The following XPA variants were observed in gnomAD, a reference collection of about 807,000 sequenced individuals.
The protein encoded by XPA is DNA repair protein complementing XP-A cells.
XPA carries 27 observed loss-of-function variants against 35.7 expected under a neutral mutation model. That is an observed-to-expected ratio of 0.76 (90% confidence interval 0.56 to 1.04). The LOEUF is 1.04. Ranked by LOEUF, XPA falls within the 50% of genes least tolerant of loss-of-function variation. The probability of loss-of-function intolerance (pLI) is 0.00; values close to 1 mark genes in which losing one functional copy is unlikely to be tolerated. For missense variants in XPA, 354 were observed against 342.7 expected (o/e 1.03, Z -0.26); for synonymous variants, 133 against 118.4 (o/e 1.12, Z -0.80).
chr9:97,679,230 T>C (rs1341250971), intron 5 of XPA, among the ~76,000 whole-genome samples: 3 of 152,148 alleles, frequency 2.0e-5, no homozygotes. Flanking sequence ...TGTATACAAC[T>C]TAGTCTTAAA....
chr9:97,680,862 C>T (rs1021670015), intron 5 of XPA, among the ~76,000 whole-genome samples: 3 of 152,126 alleles, frequency 2.0e-5, no homozygotes, highest in Non-Finnish European at 4.4e-5. Flanking sequence ...GGGTGCAGGT[C>T]CTACGCAGTA....
At chr9:97,658,428 G>A in the XPA span, among the ~76,000 whole-genome samples, 4 of 152,236 alleles carry the variant, frequency 2.6e-5, no homozygotes, top group South Asian at 6.2e-4. Context: ...TCACTCACCC[G>A]CACCTCAGTG....
intron 5 of XPA, among the ~76,000 whole-genome samples, chr9:97,683,044 T>A (rs1352306175): frequency 1.3e-5 from 2 of 152,178 alleles, no homozygotes; most frequent in East Asian, 3.8e-4. Flanking sequence ...TTTTAAAAAA[T>A]ATTTCATCAC....
chr9:97,681,442 A>T (rs972256561), intron 5 of XPA, among the ~76,000 whole-genome samples: 12 of 152,328 alleles, frequency 7.9e-5, no homozygotes, highest in Admixed American at 5.2e-4. Flanking sequence ...ATATAACCAC[A>T]GGCCCACAAT....
At chr9:97,659,535 A>T in the XPA span, among the ~76,000 whole-genome samples, 1 of 152,234 alleles carries the variant, frequency 6.6e-6, no homozygotes, top group South Asian at 2.1e-4. Flanking sequence ...AGATATGATT[A>T]TCAAAACTAC....
downstream of XPA, chr9:97,672,334 A>G (rs924807136): frequency 6.6e-6 from 1 of 152,182 alleles, no homozygotes. Context: ...TCCCAAGTTT[A>G]TGATGCATTA....
rs1487243894 is a variant in XPA at position 97,693,739 on chromosome 9, C to T, written c.193G>A (p.Ala65Thr). 12 of 1,613,116 alleles carry T rather than the reference C, an allele frequency of 7.4e-6. No homozygotes were observed. The highest frequency in any genetic ancestry group is 9.3e-6 in the Non-Finnish European group (11 of 1,179,934). The stretch of plus-strand genomic sequence containing the variant: ...CCTCCTGTGTCAATTATCTTTGGGG[C>T]TGCTTTTACATTAGCCATGCCTACA... Reference protein sequence around the residue: ...ATGGMANVKAAPKIIDTGGGF... With the variant: ...ATGGMANVKATPKIIDTGGGF... Residue 65 changes from alanine (A) to threonine (T), a missense_variant, in exon 2 of 6, where the codon GCC becomes ACC. Transcript: ENST00000375128.
chr9:97,656,182 C>T, the XPA span: 37 of 1,005,614 alleles, frequency 3.7e-5, no homozygotes, highest in Non-Finnish European at 4.8e-5. Context: ...GATTCAAAAT[C>T]CACTTACTCA....
chr9:97,687,756 G>A (rs3176675), intron 3 of XPA, among the ~76,000 whole-genome samples: 17,988 of 152,202 alleles, frequency 0.12, 3,010 homozygotes, highest in African/African-American at 0.37. Flanking sequence ...ACACTACTGC[G>A]GTGGTCCAGG....
In XPA at chr9:97,693,734, T is replaced by G; in HGVS notation, c.198A>C (p.Pro66=). The part of the protein sequence containing the change: ...TGGMANVKAA[P]KIIDTGGGFI... ...AGCCTCCTCCTGTGTCAATTATCTT[T>G]GGGGCTGCTTTTACATTAGCCATGC... The change falls in exon 2 of 6, where the codon CCA becomes CCC. Residue 66 remains proline (P), a synonymous_variant. Coordinates refer to ENST00000375128, the MANE Select transcript of XPA (RefSeq NM_000380.4). The G allele has an allele frequency of 1.2e-6, 2 of 1,613,288 alleles. No individual in the cohort carries two copies. The highest frequency in any genetic ancestry group is 1.7e-5 in the Admixed American group (1 of 60,030).
At chr9:97,655,955 A>G in the XPA span, 1 of 1,501,370 alleles carries the variant, frequency 6.7e-7, no homozygotes, top group Non-Finnish European at 9.2e-7. Context: ...TATAGTACAA[A>G]TGGGTGTAAG....
the XPA span, chr9:97,661,180 C>T: frequency 4.4e-6 from 6 of 1,351,816 alleles, no homozygotes; most frequent in Middle Eastern, 4.6e-4. Flanking sequence ...ATCTGTTTGA[C>T]CTGTTCAGAC....
chr9:97,658,836 C>T, the XPA span: 1 of 980,394 alleles, frequency 1.0e-6, no homozygotes, highest in Non-Finnish European at 1.6e-6. Flanking sequence ...TGAACTTTTT[C>T]TTTTCTTGGG....
chr9:97,689,727 G>A, intron 2 of XPA, 88 bp from the exon 3 acceptor site: 1 of 714,900 alleles, frequency 1.4e-6, no homozygotes, highest in Non-Finnish European at 2.4e-6. Flanking sequence ...CAGCATGTAT[G>A]CAATGCCTGA....
the XPA span, among the ~76,000 whole-genome samples, chr9:97,661,711 T>C: frequency 6.7e-6 from 1 of 149,736 alleles, no homozygotes; most frequent in Admixed American, 6.7e-5. Flanking sequence ...TTGTCAGACA[T>C]CTTAAGACAT....
intron 4 of XPA, among the ~76,000 whole-genome samples, chr9:97,686,628 T>G (rs1266140973): frequency 6.6e-6 from 1 of 152,110 alleles, no homozygotes; most frequent in Non-Finnish European, 1.5e-5. Context: ...CAAAGTGCCA[T>G]ATTAGAAGCA....
downstream of XPA, among the ~76,000 whole-genome samples, chr9:97,670,688 TCTGA>T (rs984421673): frequency 6.6e-6 from 1 of 152,246 alleles, no homozygotes; most frequent in Non-Finnish European, 1.5e-5. Context: ...TATTTCGTTT[TCTGA>T]CTGTTTATCT....
At chr9:97,674,504 T>C (rs1451835554), downstream of XPA, among the ~76,000 whole-genome samples, 2 of 152,200 alleles carry the variant, frequency 1.3e-5, no homozygotes, top group Non-Finnish European at 2.9e-5. Flanking sequence ...TTTGAAAATA[T>C]CAGGTTATTT....
chr9:97,661,068 G>A, the XPA span: 17 of 1,611,428 alleles, frequency 1.1e-5, no homozygotes, highest in South Asian at 5.5e-5. Flanking sequence ...TGATGACGAC[G>A]GTAAGTGGAA....
Sources: gnomAD v4.1 joint callset for allele counts (sites outside exome capture counted in the v4.1 genomes callset) on GRCh38, gnomAD v4.1.1 for gene constraint, MANE v1.5 for transcripts, NCBI Gene and HGNC (gene_info 2026-07-23, HGNC 2026-07-21) for gene names.